Variants in CDYL observed in about 807,000 individuals in gnomAD.
The protein encoded by CDYL is chromodomain Y-like protein.
Under a neutral mutation model 47.3 loss-of-function variants are expected in CDYL, and 8 were observed. That is an observed-to-expected ratio of 0.17 (90% CI 0.10 to 0.31). CDYL has a LOEUF of 0.31. Among genes scored for constraint, CDYL ranks in the 10% least tolerant of loss-of-function variants. The pLI, the probability that CDYL is intolerant of heterozygous loss-of-function variation, is 1.00. For synonymous variants in CDYL, 266 were observed against 265.0 expected, an observed-to-expected ratio of 1.00 and a Z score of -0.04; for missense variants, 471 against 701.4, an observed-to-expected ratio of 0.67 and a Z score of 3.71.
intron 1 of CDYL, among the ~76,000 whole-genome samples, chr6:4,786,636 C>T (rs193106907): frequency 6.6e-6 from 1 of 152,294 alleles, no homozygotes; most frequent in East Asian, 1.9e-4. Context: ...TAGTTTTTAT[C>T]TCGAGTCTCG....
chr6:4,911,364 G>T (rs1757409641), intron 2 of CDYL, among the ~76,000 whole-genome samples: 1 of 152,248 alleles, frequency 6.6e-6, no homozygotes, highest in Non-Finnish European at 1.5e-5. Flanking sequence ...CAGATCCACA[G>T]TGCTCTCACA....
chr6:4,792,049 A>ATTTT (rs768229405), intron 1 of CDYL, among the ~76,000 whole-genome samples: 2 of 137,658 alleles, frequency 1.5e-5, no homozygotes, highest in African/African-American at 5.4e-5. Flanking sequence ...CGCCCGGCTA[A>ATTTT]TTTTTTTTTT....
chr6:4,862,428 C>G (rs1452100856), intron 1 of CDYL, among the ~76,000 whole-genome samples: 7 of 152,108 alleles, frequency 4.6e-5, no homozygotes, highest in Non-Finnish European at 1.0e-4. Context: ...CTACAACTTT[C>G]TTTTGTGGAG....
At position 4,872,204 on chromosome 6, in the gene CDYL, G is replaced by C. The variant is rs73717740; in HGVS notation, c.25-19509G>C. 4.5e-3 allele frequency among the ~76,000 whole-genome samples: 690 copies of C among 152,130 alleles called. 5 individuals are homozygous for C. Among genetic ancestry groups the C allele is most frequent in the African/African-American group, 0.016 (669 of 41,514 alleles). On this transcript the variant is annotated intron_variant, in intron 1 of 6. Transcript: ENST00000397588. The stretch of plus-strand genomic sequence containing the variant: ...TTTTCAACACTAAGGTACCCTCTCT[G>C]TGAGTGATCATCAGACTGCAGCTGT...
At chr6:4,952,215 C>T in intron 5 of CDYL, 51 bp from the exon 6 acceptor site, 2 of 1,586,236 alleles carry the variant, frequency 1.3e-6, no homozygotes, top group Non-Finnish European at 1.7e-6. Context: ...TGGGTCTTCC[C>T]CGCCCGCCTC....
intron 1 of CDYL, among the ~76,000 whole-genome samples, chr6:4,818,275 A>C (rs1017450426): frequency 1.3e-5 from 2 of 152,140 alleles, no homozygotes; most frequent in African/African-American, 4.8e-5. Flanking sequence ...ATAAAATATA[A>C]AATAAAATAA....
chr6:4,840,829 A>G (rs1269343817), intron 1 of CDYL, among the ~76,000 whole-genome samples: 2 of 152,002 alleles, frequency 1.3e-5, no homozygotes, highest in Non-Finnish European at 2.9e-5. Context: ...ATCTATATTC[A>G]TCAGCGATTT....
chr6:4,758,351 A>ATATATATATATATATATATATAT (rs1758108099), intron 3 of CDYL, among the ~76,000 whole-genome samples: 27 of 129,066 alleles, frequency 2.1e-4, no homozygotes, highest in African/African-American at 6.7e-4. Context: ...AAAATAAATA[A>ATATATATATATATATATATATAT]ATATATATAT....
intron 1 of CDYL, among the ~76,000 whole-genome samples, chr6:4,834,361 G>A (rs1380563960): frequency 2.0e-5 from 3 of 148,540 alleles, no homozygotes; most frequent in African/African-American, 4.9e-5. Context: ...ATGAAATTCT[G>A]GGTTGAAAAT....
At chr6:4,904,805 G>A (rs747207285) in intron 2 of CDYL, among the ~76,000 whole-genome samples, 18 of 152,166 alleles carry the variant, frequency 1.2e-4, no homozygotes, top group African/African-American at 3.4e-4. Flanking sequence ...GGGCCTCATC[G>A]TACAGCTACA....
chr6:4,723,194 A>G (rs1359032968), intron 2 of CDYL, among the ~76,000 whole-genome samples: 1 of 152,196 alleles, frequency 6.6e-6, no homozygotes, highest in Non-Finnish European at 1.5e-5. Flanking sequence ...TTTACATAGC[A>G]TTTACATGGC....
At chr6:4,899,783 A>C (rs537292651) in intron 2 of CDYL, among the ~76,000 whole-genome samples, 140 of 152,332 alleles carry the variant, frequency 9.2e-4, no homozygotes, top group Non-Finnish European at 1.8e-3. Context: ...TCCCGTCAGA[A>C]GTTTAGGGAA....
At chr6:4,719,616 GA>G (rs1330925235) in intron 2 of CDYL, among the ~76,000 whole-genome samples, 1 of 152,230 alleles carries the variant, frequency 6.6e-6, no homozygotes, top group Admixed American at 6.5e-5. Context: ...GCCAAGGAAT[GA>G]AGCTATAATG....
chr6:4,848,077 C>T (rs1026054744), intron 1 of CDYL, among the ~76,000 whole-genome samples: 2 of 152,116 alleles, frequency 1.3e-5, no homozygotes, highest in African/African-American at 4.8e-5. Flanking sequence ...TATGCTTTTG[C>T]TTATAGATAT....
intron 1 of CDYL, among the ~76,000 whole-genome samples, chr6:4,869,474 T>C (rs535579834): frequency 6.6e-6 from 1 of 152,334 alleles, no homozygotes; most frequent in East Asian, 1.9e-4. Flanking sequence ...TGGTTGGTTT[T>C]AGTTTGTCAG....
intron 1 of CDYL, among the ~76,000 whole-genome samples, chr6:4,792,043 C>T (rs1036502494): frequency 5.4e-5 from 8 of 149,380 alleles, no homozygotes; most frequent in South Asian, 2.1e-4. Flanking sequence ...CCACCACGCC[C>T]GGCTAATTTT....
At chr6:4,742,452 A>G (rs1757814250) in intron 3 of CDYL, among the ~76,000 whole-genome samples, 1 of 152,138 alleles carries the variant, frequency 6.6e-6, no homozygotes, top group Non-Finnish European at 1.5e-5. Flanking sequence ...GCTGGAAAAG[A>G]AAAGAAAAAG....
chr6:4,755,599 A>G (rs1019183305), intron 3 of CDYL, among the ~76,000 whole-genome samples: 1 of 152,198 alleles, frequency 6.6e-6, no homozygotes, highest in Admixed American at 6.5e-5. Flanking sequence ...TCAACTATTA[A>G]TCATTACTGT....
chr6:4,898,207 G>A (rs1762343232), intron 2 of CDYL, among the ~76,000 whole-genome samples: 1 of 128,332 alleles, frequency 7.8e-6, no homozygotes, highest in African/African-American at 2.8e-5. Flanking sequence ...ATTCCACAGA[G>A]CAAGACCCTG....
Sources: gnomAD v4.1 joint callset for allele counts (sites outside exome capture counted in the v4.1 genomes callset) on GRCh38, gnomAD v4.1.1 for gene constraint, MANE v1.5 for transcripts, NCBI Gene and HGNC (gene_info 2026-07-23, HGNC 2026-07-21) for gene names.